Variants in BANP observed in about 807,000 individuals in gnomAD.
The protein encoded by BANP is protein BANP.
In BANP, 11 loss-of-function variants were observed where a neutral mutation model predicts 68.1. The ratio of observed to expected loss-of-function variants is 0.16; its 90% CI spans 0.10 to 0.27. The LOEUF (loss-of-function observed/expected upper bound fraction) is 0.27, where lower values mean the gene tolerates loss of function less well. Ranked by LOEUF, BANP falls within the 10% of genes least tolerant of loss-of-function variation. The probability of loss-of-function intolerance (pLI) is 1.00; values close to 1 mark genes in which losing one functional copy is unlikely to be tolerated. For missense variants in BANP, 504 were observed against 722.7 expected (o/e 0.70, Z 3.47); for synonymous variants, 329 against 303.2 (o/e 1.09, Z -0.88).
Position 88,019,590 on chromosome 16 carries a change from GCGT to G in BANP, c.895+924_895+926del, listed in dbSNP as rs1567772526. On this transcript the variant is annotated intron_variant, in intron 7 of 13. Coordinates refer to ENST00000682872, the MANE Select transcript of BANP (RefSeq NM_001386991.1). ...GGGGGGCGGGGCGTCCGGGATCTCG[GCGT>G]GCGGGATCTCAGCGTGCGGGGGGCG... Among the ~76,000 whole-genome samples, 88 of 33,842 alleles carry G rather than the reference GCGT, an allele frequency of 2.6e-3. 6 individuals carry two copies. The highest frequency in any genetic ancestry group is 0.056 in the Middle Eastern group (2 of 36). The allele number at this position is 33,842 out of a possible 152,430, so 22.2% of individuals were successfully genotyped here.
intron 4 of BANP, among the ~76,000 whole-genome samples, chr16:87,992,166 A>G (rs2066021928): frequency 6.6e-6 from 1 of 152,296 alleles, no homozygotes; most frequent in East Asian, 1.9e-4. Flanking sequence ...AATTACGTCG[A>G]TTTCGAATGC....
At chr16:88,031,745 C>G (rs2078220913) in intron 8 of BANP, among the ~76,000 whole-genome samples, 1 of 151,958 alleles carries the variant, frequency 6.6e-6, no homozygotes, top group Non-Finnish European at 1.5e-5. Context: ...CTACCATTAG[C>G]TATTGGTAAA....
chr16:87,997,331 C>T (rs1416041872), intron 4 of BANP, among the ~76,000 whole-genome samples: 1 of 152,238 alleles, frequency 6.6e-6, no homozygotes, highest in African/African-American at 2.4e-5. Flanking sequence ...TGAGTTGTAG[C>T]AGTGGTTGAA....
chr16:88,065,494 TG>T (rs1384851237), intron 12 of BANP, among the ~76,000 whole-genome samples, 162 bp downstream of exon 12: 2 of 152,204 alleles, frequency 1.3e-5, no homozygotes, highest in Non-Finnish European at 2.9e-5. Context: ...CCTTTGCCCA[TG>T]TAAAGTAACA....
intron 4 of BANP, among the ~76,000 whole-genome samples, chr16:87,999,383 C>T (rs543724140): frequency 7.3e-6 from 1 of 137,044 alleles, no homozygotes; most frequent in South Asian, 2.5e-4. Flanking sequence ...TCTCCATGCA[C>T]GCACGTGCGC....
At chr16:88,058,074 G>T (rs560675187) in intron 11 of BANP, among the ~76,000 whole-genome samples, 79 of 152,254 alleles carry the variant, frequency 5.2e-4, no homozygotes, top group Middle Eastern at 3.4e-3. Flanking sequence ...GTGAACCGCT[G>T]AGTGGCTGTT....
At chr16:88,019,761 A>G (rs1316844543) in intron 7 of BANP, among the ~76,000 whole-genome samples, 1 of 151,018 alleles carries the variant, frequency 6.6e-6, no homozygotes, top group African/African-American at 2.4e-5. Flanking sequence ...CCAGCAGGAA[A>G]GAGCCTTGCT....
intron 1 of BANP, among the ~76,000 whole-genome samples, chr16:87,972,168 A>T (rs1472727444): frequency 6.6e-6 from 1 of 151,528 alleles, no homozygotes; most frequent in African/African-American, 2.4e-5. Context: ...CTTTTTCTTG[A>T]GCTTTTTTCA....
intron 11 of BANP, among the ~76,000 whole-genome samples, chr16:88,046,134 G>A (rs1382561109): frequency 3.3e-5 from 5 of 152,354 alleles, no homozygotes; most frequent in Admixed American, 2.0e-4. Context: ...GTGCACATAC[G>A]AGGAGTAACT....
chr16:88,002,299 C>A lies in BANP; in HGVS notation c.363-1996C>A, dbSNP rs1440279341. Among the ~76,000 whole-genome samples the A allele has an allele frequency of 6.6e-6, 1 of 152,046 alleles. No homozygotes were observed. Among genetic ancestry groups the A allele is most frequent in the Non-Finnish European group, 1.5e-5 (1 of 67,988 alleles). ...CCTCAGAAACTGTTTTTGATGATCT[C>A]TGTCTATTTTGTTGAAAGCAAAGAT... On this transcript the variant is annotated intron_variant, in intron 4 of 13. Coordinates refer to ENST00000682872, the MANE Select transcript of BANP (RefSeq NM_001386991.1). This position sits in a 1 kb window ranked among gnomAD's most constrained non-coding sequence, Gnocchi z 4.6.
Position 88,004,468 on chromosome 16 carries a change from A to G in BANP, c.479+57A>G. On this transcript the variant is annotated intron_variant, in intron 5 of 13. Transcript: ENST00000682872. The surrounding 1 kb of genome is among the most constrained non-coding windows in gnomAD (Gnocchi z 7.0). Reference sequence around the variant, plus strand: ...CTGCCACTGTGCGGAGTCCCATGAGAATAAGTCAACGTCCCTAAGCCAGGG... The same window carrying G: ...CTGCCACTGTGCGGAGTCCCATGAGGATAAGTCAACGTCCCTAAGCCAGGG... 1 of 1,007,992 alleles carries G rather than the reference A, an allele frequency of 9.9e-7. No homozygotes were observed. The highest frequency in any genetic ancestry group is 1.5e-6 in the Non-Finnish European group (1 of 681,336). The allele number at this position is 1,007,992 out of a possible 1,614,324, so 62.4% of individuals were successfully genotyped here. A position where few individuals can be genotyped will look rare whatever the true frequency, so the allele number is the denominator to read the frequency against.
At chr16:88,001,298 A>C (rs1473025428) in intron 4 of BANP, among the ~76,000 whole-genome samples, 1 of 106,818 alleles carries the variant, frequency 9.4e-6, no homozygotes, top group Non-Finnish European at 1.9e-5. Context: ...ACATGCACGC[A>C]CGTGCGCGGC....
At chr16:88,053,635 A>G (rs1343384827) in intron 11 of BANP, among the ~76,000 whole-genome samples, 6 of 147,888 alleles carry the variant, frequency 4.1e-5, no homozygotes, top group South Asian at 2.1e-4. Flanking sequence ...CTCCTTCACT[A>G]TCATCACCAT....
Position 88,076,844 on chromosome 16 carries a change from C to A in BANP, c.*183C>A. 1 of 585,492 alleles carries A rather than the reference C, an allele frequency of 1.7e-6. No individual in the cohort carries two copies. Among genetic ancestry groups the A allele is most frequent in the Non-Finnish European group, 3.0e-6 (1 of 335,404 alleles). 36.3% of individuals were successfully genotyped at this position (585,492 alleles called of 1,614,324 possible). A position where few individuals can be genotyped will look rare whatever the true frequency, so the allele number is the denominator to read the frequency against. Reference sequence around the variant, plus strand: ...CTGAAAGAGCAGCCGCCGCCGCCCCCAGCCGGAGACCCCTTTCGTTTGAGT... The same window carrying A: ...CTGAAAGAGCAGCCGCCGCCGCCCCAAGCCGGAGACCCCTTTCGTTTGAGT... On this transcript the variant is annotated 3_prime_UTR_variant, in exon 14 of 14. Transcript: ENST00000682872.
In BANP at chr16:88,018,699, T is replaced by C; in HGVS notation, c.895+32T>C. 6.5e-7 allele frequency: 1 copy of C among 1,542,590 alleles called. No individual in the cohort carries two copies. The highest frequency in any genetic ancestry group is 8.8e-7 in the Non-Finnish European group (1 of 1,141,072). On this transcript the variant is annotated intron_variant, in intron 7 of 13. Transcript: ENST00000682872. The surrounding 1 kb of genome is among the most constrained non-coding windows in gnomAD (Gnocchi z 7.7). ...CGGGCCCCGCCTTGGGGGACTGGGG[T>C]GTGCGGGGAGCTGGGTCAGGACCCA... is the stretch of plus-strand genomic sequence containing the variant.
intron 6 of BANP, among the ~76,000 whole-genome samples, chr16:88,014,745 G>C (rs2074070504): frequency 6.6e-6 from 1 of 152,020 alleles, no homozygotes; most frequent in African/African-American, 2.4e-5. Context: ...CGGGGAGGCT[G>C]GTGGCTCAGG....
chr16:88,031,287 C>T (rs1366207547), intron 8 of BANP, among the ~76,000 whole-genome samples: 1 of 152,218 alleles, frequency 6.6e-6, no homozygotes, highest in Non-Finnish European at 1.5e-5. Context: ...CTTTGAATCT[C>T]ATGAATTTCA....
intron 1 of BANP, among the ~76,000 whole-genome samples, chr16:87,953,259 A>G (rs2057346633): frequency 6.6e-6 from 1 of 152,198 alleles, no homozygotes; most frequent in Non-Finnish European, 1.5e-5. Context: ...CGTCAATGAA[A>G]GACTTACAAT....
At chr16:88,067,588 T>C (rs2089050174) in intron 12 of BANP, among the ~76,000 whole-genome samples, 1 of 152,150 alleles carries the variant, frequency 6.6e-6, no homozygotes, top group Admixed American at 6.5e-5. Context: ...GTCCTTTTTT[T>C]TCCTTGGCAC....
Sources: allele counts gnomAD v4.1 joint callset (sites outside exome capture counted in the v4.1 genomes callset), GRCh38; gene constraint gnomAD v4.1.1; non-coding constraint Gnocchi (gnomAD v3.1); transcripts MANE v1.5; gene names NCBI Gene and HGNC (gene_info 2026-07-23, HGNC 2026-07-21).